The following VPS13B variants were observed in gnomAD, a reference collection of about 807,000 sequenced individuals.
The protein encoded by VPS13B is intermembrane lipid transfer protein VPS13B.
A neutral mutation model predicts 426.4 loss-of-function variants in VPS13B; 285 were observed. The observed-to-expected ratio is 0.67, with a 90% CI of 0.61 to 0.74. The LOEUF is 0.74. Among genes scored for constraint, VPS13B ranks in the 30% least tolerant of loss-of-function variants. VPS13B has a pLI of 0.00. For synonymous variants in VPS13B, 1,676 were observed against 1,676.4 expected (o/e 1.00, Z 0.01); for missense variants, 4,537 against 4,782.6 (o/e 0.95, Z 1.51).
chr8:99,531,348 T>C (rs1822923767), intron 30 of VPS13B, among the ~76,000 whole-genome samples: 1 of 152,196 alleles, frequency 6.6e-6, no homozygotes, highest in Non-Finnish European at 1.5e-5. Context: ...AGATGAGTAA[T>C]GACCAGATAA....
At position 99,818,759 on chromosome 8, in the gene VPS13B, C is replaced by G. The variant is rs1351621149; in HGVS notation, c.8492C>G (p.Pro2831Arg). The G allele has an allele frequency of 6.2e-7, 1 of 1,613,786 alleles. No individual in the cohort carries two copies. The highest frequency in any genetic ancestry group is 1.3e-5 in the African/African-American group (1 of 74,868). Residue 2831 changes from proline to arginine, a missense_variant, in exon 47 of 62, where the codon CCC becomes CGC. Around this residue, in one of 2 missense-constraint regions of VPS13B, gnomAD observed 4,311 missense variants for 4,474.3 expected, o/e 0.96. Transcript: ENST00000357162. The part of the protein sequence containing the change: ...LFIMRSHLPD[P>R]IIIHLEKRSL... ...ATCATGAGGAGTCATCTTCCAGACC[C>G]CATTATCATACATTTGGAGAAAAGG...
chr8:99,658,195 AT>A (rs1011043994), intron 34 of VPS13B, among the ~76,000 whole-genome samples: 2 of 152,040 alleles, frequency 1.3e-5, no homozygotes, highest in African/African-American at 4.8e-5. Context: ...AAGTTAACAG[AT>A]TTTTTTTACC....
intron 30 of VPS13B, among the ~76,000 whole-genome samples, chr8:99,533,338 T>A (rs530954635): frequency 6.6e-6 from 1 of 152,314 alleles, no homozygotes; most frequent in South Asian, 2.1e-4. Flanking sequence ...GTGATCCAAA[T>A]ACAGATATTT....
In VPS13B at chr8:99,780,724, C is replaced by T. The variant is rs1025474058; in HGVS notation, c.7779+1693C>T. Among the ~76,000 whole-genome samples the T allele has an allele frequency of 7.9e-5, 12 of 152,098 alleles. 1 individual carries two copies. Among genetic ancestry groups the T allele is most frequent in the Non-Finnish European group, 1.8e-4 (12 of 68,006 alleles). On this transcript the variant is annotated intron_variant, in intron 42 of 61. Coordinates refer to ENST00000357162, the MANE Select transcript of VPS13B (RefSeq NM_152564.5). ...AATTGTTGCTGTAATTTTCTTGTTT[C>T]CTCTCATGTCAAGGGTACTTGCCAC...
intron 21 of VPS13B, among the ~76,000 whole-genome samples, chr8:99,425,316 A>G (rs1015471077): frequency 1.3e-5 from 2 of 152,234 alleles, no homozygotes; most frequent in African/African-American, 2.4e-5. Flanking sequence ...AAAATCCTCA[A>G]TAAAATACTG....
chr8:99,121,325 C>T lies in VPS13B; in HGVS notation c.1086C>T (p.Gly362=), dbSNP rs745399153. 10 of 1,614,020 alleles carry T rather than the reference C, an allele frequency of 6.2e-6. No individual in the cohort carries two copies. Among genetic ancestry groups the T allele is most frequent in the South Asian group, 3.3e-5 (3 of 91,072 alleles). ...FVPAIVSYDD[G]EEDFVGNDPA... ...CTGCAATTGTGAGTTATGACGATGGCGAGGAAGACTTTGTTGGGAACGATC... is the reference window on the plus strand; with the variant it reads ...CTGCAATTGTGAGTTATGACGATGGTGAGGAAGACTTTGTTGGGAACGATC... The change falls in exon 8 of 62, where the codon GGC becomes GGT. Residue 362 remains glycine (G), a synonymous_variant. Transcript: ENST00000357162.
intron 19 of VPS13B, among the ~76,000 whole-genome samples, chr8:99,353,833 A>G (rs886148396): frequency 2.6e-5 from 4 of 152,168 alleles, no homozygotes; most frequent in Admixed American, 2.6e-4. Context: ...GTAGCAGTAA[A>G]AACTATTATG....
In VPS13B at chr8:99,181,220, A is replaced by G. The variant is rs541860602; in HGVS notation, c.2333+11057A>G. ...ATAGCCATTAAAATTTTGTTGTAGTATATGTTTATTGGTATAGAAATGTTC... is the reference window on the plus strand; with the variant it reads ...ATAGCCATTAAAATTTTGTTGTAGTGTATGTTTATTGGTATAGAAATGTTC... On this transcript the variant is annotated intron_variant, in intron 16 of 61. Coordinates refer to ENST00000357162, the MANE Select transcript of VPS13B (RefSeq NM_152564.5). Among the ~76,000 whole-genome samples the G allele has an allele frequency of 3.3e-5, 5 of 152,326 alleles. No individual in the cohort carries two copies. In the East Asian group the frequency reaches 5.8e-4, roughly 18 times the overall value.
chr8:99,840,522 C>G (rs1815628892), intron 54 of VPS13B, among the ~76,000 whole-genome samples: 1 of 152,186 alleles, frequency 6.6e-6, no homozygotes, highest in Non-Finnish European at 1.5e-5. Flanking sequence ...TTGAACAGGA[C>G]AAGTTCATGG....
At chr8:99,851,805 A>C (rs1588783777) in intron 55 of VPS13B, among the ~76,000 whole-genome samples, 1 of 152,236 alleles carries the variant, frequency 6.6e-6, no homozygotes, top group African/African-American at 2.4e-5. Flanking sequence ...CTTAGCTTTA[A>C]TTCTAAGTGA....
rs550921870 is a variant in VPS13B, at chr8:99,221,068, T to C, written c.2515+28011T>C. 4.8e-3 allele frequency among the ~76,000 whole-genome samples: 526 copies of C among 108,528 alleles called. 3 individuals carry two copies. The highest frequency in any genetic ancestry group is 0.018 in the African/African-American group (497 of 27,566). 71.2% of individuals were successfully genotyped at this position (108,528 alleles called of 152,430 possible). ...GTTTTTTGTTCTTGCGATAGTTTAC[T>C]GAGAATGATGGTTTCCAATTTCATC... On this transcript the variant is annotated intron_variant, in intron 17 of 61. Coordinates refer to ENST00000357162, the MANE Select transcript of VPS13B (RefSeq NM_152564.5).
chr8:99,244,635 T>G (rs1247244093), intron 17 of VPS13B, among the ~76,000 whole-genome samples: 4 of 152,230 alleles, frequency 2.6e-5, no homozygotes. Flanking sequence ...ATGTGAAAGA[T>G]ATCTGAATCT....
chr8:99,610,626 T>C (rs1827804475), intron 33 of VPS13B, among the ~76,000 whole-genome samples: 1 of 151,956 alleles, frequency 6.6e-6, no homozygotes, highest in African/African-American at 2.4e-5. Context: ...TTAGGAGAAA[T>C]ACCTAATGTA....
At chr8:99,710,250 G>T (rs1832657714) in intron 36 of VPS13B, among the ~76,000 whole-genome samples, 1 of 152,084 alleles carries the variant, frequency 6.6e-6, no homozygotes, top group Non-Finnish European at 1.5e-5. Flanking sequence ...AAATTATTCA[G>T]GCCTTTTCCA....
At chr8:99,052,081 G>A (rs1843587720) in intron 3 of VPS13B, among the ~76,000 whole-genome samples, 1 of 149,628 alleles carries the variant, frequency 6.7e-6, no homozygotes, top group South Asian at 2.2e-4. Flanking sequence ...AATAGGAGTG[G>A]TGAGAGAGGG....
intron 33 of VPS13B, among the ~76,000 whole-genome samples, chr8:99,628,818 C>T (rs528724082): frequency 6.6e-6 from 1 of 151,934 alleles, no homozygotes; most frequent in Admixed American, 6.6e-5. Flanking sequence ...CGCTTTGTCA[C>T]CTAGGCTGGA....
intron 39 of VPS13B, among the ~76,000 whole-genome samples, chr8:99,738,689 G>C (rs1833941372): frequency 6.6e-6 from 1 of 152,178 alleles, no homozygotes; most frequent in South Asian, 2.1e-4. Context: ...ATACCGTGTT[G>C]AAAATCTTCA....
At chr8:99,761,686 CT>C (rs1810937390) in intron 39 of VPS13B, among the ~76,000 whole-genome samples, 1 of 152,124 alleles carries the variant, frequency 6.6e-6, no homozygotes, top group South Asian at 2.1e-4. Context: ...TTACATTGAA[CT>C]TTATATTCCG....
intron 2 of VPS13B, among the ~76,000 whole-genome samples, chr8:99,022,443 G>A (rs1243819008): frequency 7.3e-6 from 1 of 137,280 alleles, no homozygotes; most frequent in African/African-American, 2.8e-5. Context: ...TTATCTTTCT[G>A]TTACTGATTT....
Sources: gnomAD v4.1 joint callset for allele counts (sites outside exome capture counted in the v4.1 genomes callset) on GRCh38, gnomAD v4.1.1 for gene constraint, gnomAD v4.1.1 regional missense constraint, MANE v1.5 for transcripts, NCBI Gene and HGNC (gene_info 2026-07-23, HGNC 2026-07-21) for gene names.